BCLAF3: variants seen among roughly 807,000 people sequenced by gnomAD.
The protein encoded by BCLAF3 is transient octamer binding factor 1.
BCLAF3 carries 24 observed loss-of-function variants against 51.2 expected under a neutral mutation model. The observed-to-expected ratio is 0.47, with a 90% CI of 0.34 to 0.66. BCLAF3 has a LOEUF of 0.66. Ranked by LOEUF, BCLAF3 falls within the 30% of genes least tolerant of loss-of-function variation. BCLAF3 has a pLI of 0.01. For synonymous variants in BCLAF3, 152 were observed against 176.6 expected (o/e 0.86, Z 1.10); for missense variants, 465 against 525.1 (o/e 0.89, Z 1.12).
chrX:19,937,261 T>C, intron 9 of BCLAF3, 157 bp downstream of exon 9: 1 of 456,892 alleles, frequency 2.2e-6, no homozygotes, highest in Non-Finnish European at 3.9e-6. Context: ...GAAATGACCA[T>C]TTCTTCTGTC....
chrX:19,937,473 T>G lies in BCLAF3; in HGVS notation c.1805A>C (p.Lys602Thr). Reference sequence around the variant, plus strand: ...ATTTGATTTTATAAAATGTGTGGGTTTTTGGAATCCATCAGTATGAACATT... The same window carrying G: ...ATTTGATTTTATAAAATGTGTGGGTGTTTGGAATCCATCAGTATGAACATT... ...VKNVHTDGFQ[K>T]PTHFIKSNFR... Residue 602 changes from lysine (K) to threonine (T), a missense_variant, in exon 9 of 12, where the codon AAA becomes ACA. Coordinates refer to ENST00000379682, the MANE Select transcript of BCLAF3 (RefSeq NM_001367774.2). 8.4e-7 allele frequency: 1 copy of G among 1,187,981 alleles called. No homozygotes were observed. Among genetic ancestry groups the G allele is most frequent in the East Asian group, 3.0e-5 (1 of 33,622 alleles).
At chrX:19,929,283 G>C (rs2070462485) in intron 11 of BCLAF3, 1 of 111,748 alleles carries the variant, frequency 8.9e-6, no homozygotes, top group African/African-American at 3.3e-5. Context: ...TCGCTGAACT[G>C]TATGTACTTG....
intron 8 of BCLAF3, among the ~76,000 whole-genome samples, chrX:19,939,511 G>C (rs932827467): frequency 9.0e-6 from 1 of 111,572 alleles, no homozygotes; most frequent in Non-Finnish European, 1.9e-5. Context: ...CACATAGAAA[G>C]ATGCTCAACA....
rs367941362 is a variant in BCLAF3 at position 19,966,469 on chromosome X, A to C, written c.222T>G (p.Tyr74Ter). 1 of 1,211,596 alleles carries C rather than the reference A, an allele frequency of 8.3e-7. No homozygotes were observed. The highest frequency in any genetic ancestry group is 3.0e-5 in the East Asian group (1 of 33,837). The change falls in exon 3 of 12, where the codon TAT becomes TAG. Residue 74 changes from tyrosine (Y) to a stop codon, truncating the protein, a stop_gained. Transcript: ENST00000379682. LOFTEE classifies it high-confidence loss of function. Reference sequence around the variant, plus strand: ...TGTTAGGGGAAGGTGATCTATGTTCATAAGACTGGTAATATATATTTCCAC... The same window carrying C: ...TGTTAGGGGAAGGTGATCTATGTTCCTAAGACTGGTAATATATATTTCCAC... ...PSRGNIYYQS[Y>*]EHRSPSPNIR...
At chrX:19,940,283 T>A (rs1193702195) in intron 8 of BCLAF3, among the ~76,000 whole-genome samples, 1 of 109,703 alleles carries the variant, frequency 9.1e-6, no homozygotes, top group East Asian at 2.8e-4. Context: ...TTTATTTTTT[T>A]TTTTTTATTA....
At position 19,965,159 on chromosome X, in the gene BCLAF3, T is replaced by C. The variant is rs1232511239; in HGVS notation, c.1159A>G (p.Ser387Gly). 1 of 1,208,511 alleles carries C rather than the reference T, an allele frequency of 8.3e-7. No individual in the cohort carries two copies. Among genetic ancestry groups the C allele is most frequent in the Admixed American group, 2.2e-5 (1 of 45,293 alleles). Residue 387 changes from serine (S) to glycine (G), a missense_variant, in exon 4 of 12, where the codon AGT becomes GGT. By Grantham distance (56) the Ser-to-Gly change is moderately conservative (BLOSUM62 0). Transcript: ENST00000379682. The stretch of plus-strand genomic sequence containing the variant: ...TTTTGACTTTTATCAAGTTGGTTAC[T>C]GGAAGAATTGCTCTCTTTTCTACAA... ...GDCRKESNSS[S>G]NQLDKSQKLP...
intron 1 of BCLAF3, among the ~76,000 whole-genome samples, chrX:19,980,800 G>A (rs2072585684): frequency 9.1e-6 from 1 of 109,909 alleles, no homozygotes; most frequent in Admixed American, 9.8e-5. Context: ...TTAGACAGGC[G>A]TGGTGTTGCA....
chrX:19,965,580 A>G lies in BCLAF3; in HGVS notation c.738T>C (p.Pro246=). ...PKWKPEHSLP[P]YQEDTDQWNL... ...TCCACTGGTCTGTGTCCTCTTGGTA[A>G]GGTGGGAGGGAATGCTCAGGCTTCC... The change falls in exon 4 of 12, where the codon CCT becomes CCC. Residue 246 remains proline (P), a synonymous_variant. Coordinates refer to ENST00000379682, the MANE Select transcript of BCLAF3 (RefSeq NM_001367774.2). 2 of 1,193,169 alleles carry G rather than the reference A, an allele frequency of 1.7e-6. No individual in the cohort carries two copies. Among genetic ancestry groups the G allele is most frequent in the Non-Finnish European group, 1.1e-6 (1 of 887,865 alleles).
In BCLAF3 at chrX:19,953,822, T is replaced by G; in HGVS notation, c.1521A>C (p.Ala507=). 1 of 1,207,896 alleles carries G rather than the reference T, an allele frequency of 8.3e-7. No individual in the cohort carries two copies. Among genetic ancestry groups the G allele is most frequent in the Non-Finnish European group, 1.1e-6 (1 of 892,627 alleles). ...RFSTMQDIHK[A]DVNEIPLNSD... ...AATTCAATGGAATTTCATTTACATC[T>G]GCCTTGTGTATATCTTGCATTGTTG... Residue 507 remains alanine, a synonymous_variant, in exon 6 of 12, where the codon GCA becomes GCC. Coordinates refer to ENST00000379682, the MANE Select transcript of BCLAF3 (RefSeq NM_001367774.2).
intron 1 of BCLAF3, among the ~76,000 whole-genome samples, chrX:19,979,901 T>C (rs1376792665): frequency 9.4e-6 from 1 of 106,449 alleles, no homozygotes; most frequent in Non-Finnish European, 1.9e-5. Context: ...AAAAATGACA[T>C]TGAGGGAGAG....
At chrX:19,960,094 C>T (rs2071801406) in intron 4 of BCLAF3, among the ~76,000 whole-genome samples, 1 of 111,247 alleles carries the variant, frequency 9.0e-6, no homozygotes, top group African/African-American at 3.3e-5. Context: ...CCATGCCCAG[C>T]CAGACTTCAA....
At chrX:19,923,845 A>T (rs180888449) in intron 11 of BCLAF3, among the ~76,000 whole-genome samples, 7,504 of 90,033 alleles carry the variant, frequency 0.083, 306 homozygotes, top group Non-Finnish European at 0.12. Context: ...TTATTTATTT[A>T]TTTTTTTTTT....
At chrX:19,929,490 G>A (rs2070470055) in intron 11 of BCLAF3, 2 of 171,056 alleles carry the variant, frequency 1.2e-5, no homozygotes, top group Admixed American at 1.6e-4. Flanking sequence ...CTTTACCTGA[G>A]TTTCCATTTC....
At chrX:19,987,803 C>A (rs754145353) in intron 1 of BCLAF3, among the ~76,000 whole-genome samples, 3 of 112,118 alleles carry the variant, frequency 2.7e-5, no homozygotes, top group Admixed American at 9.5e-5. Flanking sequence ...TGTACACGTA[C>A]TATGTCATGT....
intron 1 of BCLAF3, among the ~76,000 whole-genome samples, chrX:19,981,581 T>C (rs1162488330): frequency 8.9e-6 from 1 of 111,827 alleles, no homozygotes; most frequent in Non-Finnish European, 1.9e-5. Flanking sequence ...CACTCCTAGA[T>C]AGATACCCAG....
At chrX:19,930,740 C>T in intron 10 of BCLAF3, 1 of 124,203 alleles carries the variant, frequency 8.1e-6, no homozygotes, top group Admixed American at 7.7e-5. Context: ...GGCACAGTGG[C>T]TCACACCTAA....
intron 11 of BCLAF3, among the ~76,000 whole-genome samples, chrX:19,924,819 T>C (rs1245486912): frequency 9.0e-6 from 1 of 111,284 alleles, no homozygotes; most frequent in Non-Finnish European, 1.9e-5. Context: ...AGCTTCTTTG[T>C]TCCAATCTAG....
At chrX:19,936,130 G>T (rs1053456439) in intron 9 of BCLAF3, among the ~76,000 whole-genome samples, 2 of 111,613 alleles carry the variant, frequency 1.8e-5, no homozygotes, top group Non-Finnish European at 3.8e-5. Context: ...GATCATTTAC[G>T]CCTGTAACAA....
chrX:19,938,585 C>A (rs897308241), intron 8 of BCLAF3, among the ~76,000 whole-genome samples: 1 of 112,097 alleles, frequency 8.9e-6, no homozygotes, highest in South Asian at 3.7e-4. Flanking sequence ...TTAGTAGACA[C>A]GGGGTTTCAC....
Sources: gnomAD v4.1 joint callset for allele counts (sites outside exome capture counted in the v4.1 genomes callset) on GRCh38, gnomAD v4.1.1 for gene constraint, MANE v1.5 for transcripts, NCBI Gene and HGNC (gene_info 2026-07-23, HGNC 2026-07-21) for gene names.